MTMR3: variants seen among roughly 807,000 people sequenced by gnomAD.
The protein encoded by MTMR3 is phosphatidylinositol-3,5-bisphosphate 3-phosphatase MTMR3.
Under a neutral mutation model 132.4 loss-of-function variants are expected in MTMR3, and 32 were observed. The observed-to-expected ratio is 0.24, with a 90% confidence interval of 0.18 to 0.32. The LOEUF (loss-of-function observed/expected upper bound fraction) is 0.32, where lower values mean the gene tolerates loss of function less well. Ranked by LOEUF, MTMR3 falls within the 10% of genes least tolerant of loss-of-function variation. The pLI, the probability that MTMR3 is intolerant of heterozygous loss-of-function variation, is 1.00. For missense variants in MTMR3, 1,216 were observed against 1,489.6 expected (o/e 0.82, Z 3.02); for synonymous variants, 556 against 550.3 (o/e 1.01, Z -0.14).
At chr22:29,906,935 G>A (rs6006301) in intron 1 of MTMR3, among the ~76,000 whole-genome samples, 7,145 of 151,770 alleles carry the variant, frequency 0.047, 570 homozygotes, top group African/African-American at 0.16. Flanking sequence ...AAAATTAGCC[G>A]GGCATGGTGG....
At chr22:29,892,077 C>A (rs1321330573) in intron 1 of MTMR3, among the ~76,000 whole-genome samples, 1 of 151,646 alleles carries the variant, frequency 6.6e-6, no homozygotes, top group Non-Finnish European at 1.5e-5. Flanking sequence ...CTCTTGAACC[C>A]AGGAGGCGGA....
At chr22:29,916,937 C>T (rs1253159771) in intron 1 of MTMR3, among the ~76,000 whole-genome samples, 2 of 152,166 alleles carry the variant, frequency 1.3e-5, no homozygotes, top group Non-Finnish European at 2.9e-5. Flanking sequence ...TATCTCACTG[C>T]CCCCTGTAAC....
chr22:30,023,255 C>T (rs2067813206), intron 19 of MTMR3: 1 of 611,094 alleles, frequency 1.6e-6, no homozygotes, highest in African/African-American at 1.8e-5. Flanking sequence ...TGTTGACTGT[C>T]TGGTGGATGT....
chr22:30,023,906 ACAGAGGTGATCT>A (rs1006988665), intron 19 of MTMR3: 1 of 173,066 alleles, frequency 5.8e-6, no homozygotes, highest in African/African-American at 2.4e-5. Context: ...CCAGGACTGA[ACAGAGGTGATCT>A]TTCCAGAGAA....
At chr22:29,986,008 A>G (rs1204972995) in intron 5 of MTMR3, 1 of 152,236 alleles carries the variant, frequency 6.6e-6, no homozygotes, top group Non-Finnish European at 1.5e-5. Context: ...TGCTAAGAGC[A>G]TTAGCTGGTT....
At chr22:29,907,265 C>T (rs1000138996) in intron 1 of MTMR3, among the ~76,000 whole-genome samples, 1 of 151,254 alleles carries the variant, frequency 6.6e-6, no homozygotes, top group Non-Finnish European at 1.5e-5. Flanking sequence ...AGCCGGGCGT[C>T]GTCGTGGGCG....
intron 1 of MTMR3, among the ~76,000 whole-genome samples, chr22:29,932,353 A>T (rs114973780): frequency 6.6e-6 from 1 of 152,158 alleles, no homozygotes. Flanking sequence ...CTGTCTTGTC[A>T]TCTGTCCCCA....
chr22:29,926,969 C>T (rs1002221112), intron 1 of MTMR3, among the ~76,000 whole-genome samples: 3 of 152,068 alleles, frequency 2.0e-5, no homozygotes, highest in Admixed American at 6.6e-5. Flanking sequence ...ATAGTTTTTG[C>T]ACTTACATTT....
intron 1 of MTMR3, among the ~76,000 whole-genome samples, chr22:29,942,407 G>C (rs956118645): frequency 1.3e-5 from 2 of 151,968 alleles, no homozygotes; most frequent in African/African-American, 2.4e-5. Context: ...CCACAGGACC[G>C]GGGCAAAATT....
At chr22:29,906,428 A>C (rs371063997) in intron 1 of MTMR3, among the ~76,000 whole-genome samples, 1 of 151,882 alleles carries the variant, frequency 6.6e-6, no homozygotes, top group African/African-American at 2.4e-5. Context: ...TCCCGGGTTC[A>C]AGCAATTCTC....
intron 5 of MTMR3, chr22:29,984,551 C>A (rs371365785): frequency 5.9e-5 from 9 of 152,100 alleles, no homozygotes; most frequent in African/African-American, 1.9e-4. Flanking sequence ...GGTTGTAGCA[C>A]TGAATGTGTT....
At chr22:29,915,073 T>G (rs1365064155) in intron 1 of MTMR3, among the ~76,000 whole-genome samples, 1 of 152,184 alleles carries the variant, frequency 6.6e-6, no homozygotes, top group Non-Finnish European at 1.5e-5. Context: ...TATGGTCTAT[T>G]GTGGTGAATG....
intron 1 of MTMR3, among the ~76,000 whole-genome samples, chr22:29,908,099 G>A (rs2065138445): frequency 6.6e-6 from 1 of 152,172 alleles, no homozygotes; most frequent in South Asian, 2.1e-4. Context: ...TCGGATGCAA[G>A]TAAGATTTTT....
intron 1 of MTMR3, among the ~76,000 whole-genome samples, chr22:29,928,578 T>C (rs2065573824): frequency 3.3e-5 from 5 of 152,218 alleles, no homozygotes. Flanking sequence ...AAATATGCTG[T>C]ACATTTACTC....
chr22:29,957,031 T>G lies in MTMR3; in HGVS notation c.-137-5T>G, dbSNP rs901355568. 6.6e-6 allele frequency: 1 copy of G among 152,304 alleles called. No individual in the cohort carries two copies. Among genetic ancestry groups the G allele is most frequent in the Non-Finnish European group, 1.5e-5 (1 of 68,030 alleles). 9.4% of individuals were successfully genotyped at this position (152,304 alleles called of 1,614,324 possible). A position where few individuals can be genotyped will look rare whatever the true frequency, so the allele number is the denominator to read the frequency against. ...ATTATAAAATAACTGTTTTTTCTTTTGCAGACTTCCTTGTGAAACCTCCTA... is the reference window on the plus strand; with the variant it reads ...ATTATAAAATAACTGTTTTTTCTTTGGCAGACTTCCTTGTGAAACCTCCTA... On this transcript the variant is annotated splice_region_variant and splice_polypyrimidine_tract_variant and intron_variant, in intron 1 of 19. Transcript: ENST00000401950.
intron 2 of MTMR3, among the ~76,000 whole-genome samples, chr22:29,958,748 A>G (rs60093195): frequency 0.033 from 4,954 of 152,320 alleles, 282 homozygotes; most frequent in African/African-American, 0.11. Context: ...TCACCCCCAC[A>G]GGATTGGGAA....
At chr22:29,978,334 C>A in intron 3 of MTMR3, 108 bp from the exon 4 acceptor site, 1 of 770,030 alleles carries the variant, frequency 1.3e-6, no homozygotes, top group Non-Finnish European at 2.1e-6. Context: ...TGCCTGTTCA[C>A]CTTGGTCTTT....
chr22:29,909,980 C>G (rs937553569), intron 1 of MTMR3, among the ~76,000 whole-genome samples: 1 of 151,754 alleles, frequency 6.6e-6, no homozygotes, highest in Non-Finnish European at 1.5e-5. Context: ...ACGGTGAAAC[C>G]CCGTCTCTAC....
intron 7 of MTMR3, chr22:29,994,248 C>T: frequency 1.8e-6 from 1 of 557,830 alleles, no homozygotes; most frequent in South Asian, 8.0e-5. Flanking sequence ...ACACAGTCCA[C>T]ATTGATGTTA....
Sources: allele counts gnomAD v4.1 joint callset (sites outside exome capture counted in the v4.1 genomes callset), GRCh38; gene constraint gnomAD v4.1.1; transcripts MANE v1.5; gene names NCBI Gene and HGNC (gene_info 2026-07-23, HGNC 2026-07-21).